PLK1: variants seen among roughly 807,000 people sequenced by gnomAD.
PLK1 encodes the protein serine/threonine-protein kinase PLK1.
A neutral mutation model predicts 56.7 loss-of-function variants in PLK1; 6 were observed. The observed-to-expected ratio is 0.11, with a 90% CI of 0.06 to 0.21. The LOEUF (loss-of-function observed/expected upper bound fraction) is 0.21, where lower values mean the gene tolerates loss of function less well. PLK1 is among the 10% of genes least tolerant of loss of function. PLK1 has a pLI of 1.00. For synonymous variants in PLK1, 298 were observed against 325.0 expected, an observed-to-expected ratio of 0.92 and a Z score of 0.89; for missense variants, 546 against 814.4, an observed-to-expected ratio of 0.67 and a Z score of 4.01.
chr16:23,687,648 G>A (rs527547736), intron 6 of PLK1, 24 bp downstream of exon 6: 54 of 1,501,978 alleles, frequency 3.6e-5, no homozygotes, highest in South Asian at 2.8e-4. Context: ...GGCCCTGGGC[G>A]GGGCAGGATT....
chr16:23,679,570 G>C, intron 1 of PLK1: 1 of 523,460 alleles, frequency 1.9e-6, no homozygotes, highest in South Asian at 2.8e-5. Context: ...GAGTCATGTT[G>C]CTGATAGGGA....
At chr16:23,686,511 T>G (rs1480658196) in intron 5 of PLK1, among the ~76,000 whole-genome samples, 1 of 151,960 alleles carries the variant, frequency 6.6e-6, no homozygotes. Context: ...TATTATTTAT[T>G]TGAGACATTC....
At position 23,679,611 on chromosome 16, in the gene PLK1, G is replaced by A. The variant is rs1042310007; in HGVS notation, c.408+271G>A. 3.1e-5 allele frequency: 14 copies of A among 448,380 alleles called. No individual in the cohort carries two copies. The Admixed American group carries it at 5.4e-4, about 17-fold the overall frequency. 27.8% of individuals were successfully genotyped at this position (448,380 alleles called of 1,614,324 possible). A position where few individuals can be genotyped will look rare whatever the true frequency, so the allele number is the denominator to read the frequency against. ...GCTTCTGGACGCGAGGTGCTGGGGG[G>A]AGGGGTGCTGGTAATGGACGCTAGG... On this transcript the variant is annotated intron_variant, in intron 1 of 9. Transcript: ENST00000300093.
rs777991843 is a variant in PLK1, at chr16:23,689,583, C to T, written c.1515C>T (p.Leu505=). 3 of 1,613,512 alleles carry T rather than the reference C, an allele frequency of 1.9e-6. No individual in the cohort carries two copies. Among genetic ancestry groups the T allele is most frequent in the African/African-American group, 2.7e-5 (2 of 74,936 alleles). ...TCACGCCGCGCGAAGGTGATGAGCT[C>T]GCCCGGCTGCCCTACCTACGGACCT... The part of the protein sequence containing the change: ...ANITPREGDE[L]ARLPYLRTWF... The change falls in exon 9 of 10, where the codon CTC becomes CTT. Residue 505 remains leucine (L), a synonymous_variant. Coordinates refer to ENST00000300093, the MANE Select transcript of PLK1 (RefSeq NM_005030.6). This position sits in a 1 kb window ranked among gnomAD's most constrained non-coding sequence, Gnocchi z 4.8.
intron 6 of PLK1, among the ~76,000 whole-genome samples, chr16:23,688,250 G>A (rs1959459752): frequency 6.6e-6 from 1 of 152,240 alleles, no homozygotes; most frequent in Non-Finnish European, 1.5e-5. Flanking sequence ...AGATGCCTCT[G>A]ACTCTTACCA....
At chr16:23,685,707 CA>C (rs533223626) in intron 5 of PLK1, among the ~76,000 whole-genome samples, 175 of 129,594 alleles carry the variant, frequency 1.4e-3, no homozygotes, top group Middle Eastern at 8.2e-3. Flanking sequence ...GACTCTGTCT[CA>C]AAAAAAAAAA....
rs768352921 is a variant in PLK1 at position 23,690,048 on chromosome 16, T to G, written c.1797T>G (p.Arg599=). 19 of 1,609,768 alleles carry G rather than the reference T, an allele frequency of 1.2e-5. No homozygotes were observed. Among genetic ancestry groups the G allele is most frequent in the East Asian group, 8.9e-5 (4 of 44,870 alleles). Residue 599 remains arginine (R), a synonymous_variant, in exon 10 of 10, where the codon CGT becomes CGG. Transcript: ENST00000300093. ...KLLSSRSASN[R]LKAS ...TGAGCTCACGCTCGGCCAGCAACCGTCTCAAGGCCTCCTAATAGCTGCCCT... is the reference window on the plus strand; with the variant it reads ...TGAGCTCACGCTCGGCCAGCAACCGGCTCAAGGCCTCCTAATAGCTGCCCT...
rs531171883 is a variant in PLK1 at position 23,678,901 on chromosome 16, C to T, written c.-32C>T. 16 of 1,462,872 alleles carry T rather than the reference C, an allele frequency of 1.1e-5. No homozygotes were observed. In the South Asian group the frequency reaches 1.5e-4, roughly 14 times the overall value. The allele number at this position is 1,462,872 out of a possible 1,614,324, so 90.6% of individuals were successfully genotyped here. On this transcript the variant is annotated 5_prime_UTR_variant, in exon 1 of 10. Coordinates refer to ENST00000300093, the MANE Select transcript of PLK1 (RefSeq NM_005030.6). ...AGCGGAGCGGTGCGGAGGCTCTGCTCGGATCGAGGTCTGCAGCGCAGCTTC... is the reference window on the plus strand; with the variant it reads ...AGCGGAGCGGTGCGGAGGCTCTGCTTGGATCGAGGTCTGCAGCGCAGCTTC...
At position 23,690,092 on chromosome 16, in the gene PLK1, C is replaced by T; in HGVS notation, c.*29C>T. 6.5e-7 allele frequency: 1 copy of T among 1,546,366 alleles called. No individual in the cohort carries two copies. The highest frequency in any genetic ancestry group is 8.9e-7 in the Non-Finnish European group (1 of 1,129,660). ...CTGCCCTCCCCTCCGGACTGGTGCC[C>T]TCCTCACTCCCACCTGCATCTGGGG... On this transcript the variant is annotated 3_prime_UTR_variant, in exon 10 of 10. Transcript: ENST00000300093.
At chr16:23,679,498 T>A (rs1959295866) in intron 1 of PLK1, 158 bp downstream of exon 1, 1 of 650,464 alleles carries the variant, frequency 1.5e-6, no homozygotes, top group Non-Finnish European at 2.6e-6. Context: ...GAAAGTGTCT[T>A]TGGTAAGGGC....
At chr16:23,684,996 T>C (rs1357928315) in intron 5 of PLK1, among the ~76,000 whole-genome samples, 4 of 109,902 alleles carry the variant, frequency 3.6e-5, no homozygotes, top group African/African-American at 1.3e-4. Flanking sequence ...TTTTTTTTTT[T>C]TTTGAGACAG....
intron 5 of PLK1, 129 bp downstream of exon 5, chr16:23,684,218 G>A: frequency 2.9e-6 from 2 of 691,452 alleles, no homozygotes; most frequent in Admixed American, 2.5e-5. Context: ...CCTTCAATCC[G>A]TGGTTCCAAT....
At position 23,679,540 on chromosome 16, in the gene PLK1, G is replaced by A. The variant is rs999263813; in HGVS notation, c.408+200G>A. 7.0e-6 allele frequency: 4 copies of A among 572,936 alleles called. No individual in the cohort carries two copies. In the Admixed American group the frequency reaches 9.6e-5, roughly 14 times the overall value. 35.5% of individuals were successfully genotyped at this position (572,936 alleles called of 1,614,324 possible). A position where few individuals can be genotyped will look rare whatever the true frequency, so the allele number is the denominator to read the frequency against. ...GCTCTGGGAGCTGCTAGAGGAGGGG[G>A]TTCCAGTGAAGTGGAGTCTGAGTCA... On this transcript the variant is annotated intron_variant, in intron 1 of 9. Transcript: ENST00000300093.
chr16:23,687,328 G>A, intron 5 of PLK1, 141 bp from the exon 6 acceptor site: 2 of 627,714 alleles, frequency 3.2e-6, no homozygotes, highest in South Asian at 2.6e-5. Context: ...GAGCATGGCA[G>A]CTGCTGCTCT....
At position 23,683,854 on chromosome 16, in the gene PLK1, C is replaced by T. The variant is rs1959379992; in HGVS notation, c.817-16C>T. The T allele has an allele frequency of 6.2e-7, 1 of 1,602,390 alleles. No homozygotes were observed. Among genetic ancestry groups the T allele is most frequent in the African/African-American group, 1.3e-5 (1 of 74,764 alleles). On this transcript the variant is annotated splice_polypyrimidine_tract_variant and intron_variant, in intron 4 of 9. Transcript: ENST00000300093. ...CCTTCACATTCTGCTTATGGCTGTC[C>T]CTCTCTCTGCCCCAGCACATCAACC... is the stretch of plus-strand genomic sequence containing the variant.
intron 7 of PLK1, 107 bp downstream of exon 7, chr16:23,688,852 C>T: frequency 1.3e-6 from 1 of 797,908 alleles, no homozygotes; most frequent in Admixed American, 1.8e-5. Context: ...TCTCAGTGCC[C>T]TCCTCTCTCC....
chr16:23,684,286 G>A (rs1175390696), intron 5 of PLK1, among the ~76,000 whole-genome samples, 197 bp downstream of exon 5: 3 of 152,172 alleles, frequency 2.0e-5, no homozygotes, highest in African/African-American at 4.8e-5. Context: ...CTGGATAAAC[G>A]TACCATGCCC....
Position 23,689,967 on chromosome 16 carries a change from C to T in PLK1, c.1716C>T (p.Cys572=), listed in dbSNP as rs1352016398. 1 of 1,613,842 alleles carries T rather than the reference C, an allele frequency of 6.2e-7. No individual in the cohort carries two copies. Among genetic ancestry groups the T allele is most frequent in the Non-Finnish European group, 8.5e-7 (1 of 1,179,960 alleles). The change falls in exon 10 of 10, where the codon TGC becomes TGT. Residue 572 remains cysteine (C), a synonymous_variant. Transcript: ENST00000300093. This position sits in a 1 kb window ranked among gnomAD's most constrained non-coding sequence, Gnocchi z 4.8. ...YRLSLLEEYG[C]CKELASRLRY... ...TGAGTCTCCTGGAGGAGTACGGCTG[C>T]TGCAAGGAGCTGGCCAGCCGGCTCC...
In PLK1 at chr16:23,684,019, A is replaced by T. The variant is rs777791845; in HGVS notation, c.966A>T (p.Pro322=). 3 of 1,613,848 alleles carry T rather than the reference A, an allele frequency of 1.9e-6. No individual in the cohort carries two copies. The highest frequency in any genetic ancestry group is 3.3e-4 in the Middle Eastern group (2 of 6,062). The change falls in exon 5 of 10, where the codon CCA becomes CCT. Residue 322 remains proline, a synonymous_variant. Transcript: ENST00000300093. The part of the protein sequence containing the change: ...ARLPITCLTI[P]PRFSIAPSSL... Reference sequence around the variant, plus strand: ...TCCCCATCACCTGCCTGACCATTCCACCAAGGTTTTCGATTGCTCCCAGCA... The same window carrying T: ...TCCCCATCACCTGCCTGACCATTCCTCCAAGGTTTTCGATTGCTCCCAGCA...
Sources: gnomAD v4.1 joint callset for allele counts (sites outside exome capture counted in the v4.1 genomes callset) on GRCh38, gnomAD v4.1.1 for gene constraint, Gnocchi (gnomAD v3.1) non-coding constraint, MANE v1.5 for transcripts, NCBI Gene and HGNC (gene_info 2026-07-23, HGNC 2026-07-21) for gene names.